MTMR8: variants seen among roughly 807,000 people sequenced by gnomAD.
MTMR8 encodes the protein myotubularin related protein 8.
MTMR8 carries 65 observed loss-of-function variants against 39.3 expected under a neutral mutation model. The ratio of observed to expected loss-of-function variants is 1.65; its 90% CI spans 1.35 to 2.03. The LOEUF (loss-of-function observed/expected upper bound fraction) is 2.03, where lower values mean the gene tolerates loss of function less well. Ranked by LOEUF, MTMR8 falls within the 30% of genes most tolerant of loss-of-function variation. The pLI is 0.00. For missense variants in MTMR8, 777 were observed against 538.9 expected (o/e 1.44, Z -4.37); for synonymous variants, 245 against 185.2 (o/e 1.32, Z -2.62).
At chrX:64,310,175 T>C (rs1271952138) in intron 12 of MTMR8, among the ~76,000 whole-genome samples, 1 of 112,171 alleles carries the variant, frequency 8.9e-6, no homozygotes, top group African/African-American at 3.2e-5. Context: ...GTTTATATAA[T>C]ATTATAAATC....
intron 1 of MTMR8, among the ~76,000 whole-genome samples, chrX:64,382,784 T>A (rs754941503): frequency 9.0e-6 from 1 of 111,576 alleles, no homozygotes; most frequent in Admixed American, 9.6e-5. Flanking sequence ...GAATTATTTT[T>A]AAAAACAACA....
intron 12 of MTMR8, among the ~76,000 whole-genome samples, chrX:64,279,799 G>A (rs2097469562): frequency 8.9e-6 from 1 of 111,815 alleles, no homozygotes; most frequent in South Asian, 3.7e-4. Context: ...TGGACCAATG[G>A]AATAGAATGG....
chrX:64,324,355 A>C (rs6624108), intron 12 of MTMR8, among the ~76,000 whole-genome samples: 26,251 of 110,893 alleles, frequency 0.24, 7,548 homozygotes, highest in African/African-American at 0.82. Flanking sequence ...GAGTGAGATC[A>C]TATCTCAAGA....
chrX:64,277,284 A>G (rs766499847), intron 12 of MTMR8, among the ~76,000 whole-genome samples: 1 of 111,896 alleles, frequency 8.9e-6, no homozygotes, highest in East Asian at 2.8e-4. Flanking sequence ...TGATCCTGTC[A>G]TTATGATGCT....
rs545392556 is a variant in MTMR8, at chrX:64,353,293, A to C, written c.468+1484T>G. Among the ~76,000 whole-genome samples, 8 of 112,388 alleles carry C rather than the reference A, an allele frequency of 7.1e-5. No homozygotes were observed. The East Asian group carries it at 2.0e-3, about 28-fold the overall frequency. ...CTCCATGGCAAAGGAAACAACCAAC[A>C]AAGTGAAAAGACAACCCACAGAATA... is the stretch of plus-strand genomic sequence containing the variant. On this transcript the variant is annotated intron_variant, in intron 4 of 13. Coordinates refer to ENST00000374852, the MANE Select transcript of MTMR8 (RefSeq NM_017677.4).
chrX:64,317,484 T>C (rs938697577), intron 12 of MTMR8, among the ~76,000 whole-genome samples: 1 of 112,114 alleles, frequency 8.9e-6, no homozygotes, highest in Non-Finnish European at 1.9e-5. Flanking sequence ...GCTGTTGAGC[T>C]GATCCATTTA....
chrX:64,320,301 A>G (rs1391240884), intron 12 of MTMR8, among the ~76,000 whole-genome samples: 5 of 111,167 alleles, frequency 4.5e-5, no homozygotes, highest in African/African-American at 6.5e-5. Context: ...AGAGAGTGAT[A>G]CAACATGCTG....
chrX:64,296,587 T>C (rs1921596076), intron 12 of MTMR8, among the ~76,000 whole-genome samples: 1 of 108,764 alleles, frequency 9.2e-6, no homozygotes, highest in African/African-American at 3.3e-5. Context: ...TTTTTTTTTT[T>C]TTTTAATTAT....
chrX:64,359,879 G>A (rs183703300), intron 1 of MTMR8, among the ~76,000 whole-genome samples: 62 of 96,071 alleles, frequency 6.5e-4, no homozygotes, highest in African/African-American at 2.3e-3. Flanking sequence ...ATCAGTAAGG[G>A]TAAATAACAT....
intron 1 of MTMR8, among the ~76,000 whole-genome samples, chrX:64,372,132 CT>C (rs1683936837): frequency 9.5e-6 from 1 of 105,211 alleles, no homozygotes; most frequent in East Asian, 3.0e-4. Flanking sequence ...ATTTTTTAAA[CT>C]TTTTTATTAT....
chrX:64,302,640 G>T (rs930507477), intron 12 of MTMR8, among the ~76,000 whole-genome samples: 1 of 112,647 alleles, frequency 8.9e-6, no homozygotes, highest in Non-Finnish European at 1.9e-5. Flanking sequence ...GAACCCATTA[G>T]CTGAAAAGCT....
chrX:64,296,684 C>T (rs943448943), intron 12 of MTMR8, among the ~76,000 whole-genome samples: 2 of 106,799 alleles, frequency 1.9e-5, no homozygotes, highest in Non-Finnish European at 3.9e-5. Flanking sequence ...CACCCACTAA[C>T]TCGTCATCTA....
At chrX:64,278,460 GTTTTTTTTTTT>G (rs56132040) in intron 12 of MTMR8, among the ~76,000 whole-genome samples, 1 of 24,686 alleles carries the variant, frequency 4.1e-5, no homozygotes, top group Non-Finnish European at 8.2e-5. Flanking sequence ...TATTTTGCTG[GTTTTTTTTTTT>G]TTTTTTTTTT....
intron 12 of MTMR8, among the ~76,000 whole-genome samples, chrX:64,290,692 G>T (rs1443043084): frequency 1.8e-5 from 2 of 110,307 alleles, no homozygotes; most frequent in East Asian, 5.7e-4. Flanking sequence ...CTTTAATTTT[G>T]TCAAGAAATT....
chrX:64,289,108 G>A (rs1399113239), intron 12 of MTMR8, among the ~76,000 whole-genome samples: 1 of 109,896 alleles, frequency 9.1e-6, no homozygotes, highest in African/African-American at 3.3e-5. Flanking sequence ...AGTGTGCAAA[G>A]GACTTTGTCA....
intron 12 of MTMR8, among the ~76,000 whole-genome samples, chrX:64,301,517 T>G: frequency 9.1e-6 from 1 of 110,335 alleles, no homozygotes; most frequent in African/African-American, 3.3e-5. Flanking sequence ...TTGCCTTTGG[T>G]TTGAATGTCC....
At chrX:64,328,751 G>A (rs752264324) in intron 12 of MTMR8, 21 bp downstream of exon 12, 21 of 1,143,483 alleles carry the variant, frequency 1.8e-5, no homozygotes, top group Non-Finnish European at 2.3e-5. Context: ...TAAGAAAGGA[G>A]GGAAAAACTT....
At chrX:64,288,964 A>G (rs1405157440) in intron 12 of MTMR8, among the ~76,000 whole-genome samples, 1 of 110,360 alleles carries the variant, frequency 9.1e-6, no homozygotes, top group Admixed American at 9.8e-5. Flanking sequence ...ACATGTATAC[A>G]TATGTAACAA....
At chrX:64,316,120 C>A (rs1201593926) in intron 12 of MTMR8, among the ~76,000 whole-genome samples, 1 of 111,593 alleles carries the variant, frequency 9.0e-6, no homozygotes, top group Non-Finnish European at 1.9e-5. Flanking sequence ...ATTTTTGCTT[C>A]CACTGTCATA....
Sources: allele counts gnomAD v4.1 joint callset (sites outside exome capture counted in the v4.1 genomes callset), GRCh38; gene constraint gnomAD v4.1.1; transcripts MANE v1.5; gene names NCBI Gene and HGNC (gene_info 2026-07-23, HGNC 2026-07-21).